The following CCNY variants were observed in gnomAD, a reference collection of about 807,000 sequenced individuals.
CCNY encodes cyclin-Y.
CCNY carries 19 observed loss-of-function variants against 42.8 expected under a neutral mutation model. The ratio of observed to expected loss-of-function variants is 0.44; its 90% CI spans 0.31 to 0.65. The LOEUF is 0.65. CCNY is among the 30% of genes least tolerant of loss of function. CCNY has a pLI of 0.07. For synonymous variants in CCNY, 165 were observed against 162.7 expected, an observed-to-expected ratio of 1.01 and a Z score of -0.11; for missense variants, 370 against 437.3, an observed-to-expected ratio of 0.85 and a Z score of 1.37.
At position 35,358,366 on chromosome 10, in the gene CCNY, C is replaced by T. The variant is rs370692131; in HGVS notation, c.154+21159C>T. 1.6e-3 allele frequency among the ~76,000 whole-genome samples: 246 copies of T among 152,242 alleles called. 5 individuals carry two copies. The South Asian group carries it at 0.041, about 26-fold the overall frequency. On this transcript the variant is annotated intron_variant, in intron 1 of 9. Transcript: ENST00000374704. ...GAATACTGCCAGTGCATAAAGCATT[C>T]TACCTGGAGCTGGAGAGAATCACAC... is the stretch of plus-strand genomic sequence containing the variant.
intron 3 of CCNY, among the ~76,000 whole-genome samples, chr10:35,285,699 C>T (rs920237198): frequency 3.3e-5 from 5 of 152,124 alleles, no homozygotes; most frequent in Admixed American, 6.5e-5. Context: ...CCTAAAGTGG[C>T]GGGATTAGGG....
intron 3 of CCNY, among the ~76,000 whole-genome samples, chr10:35,505,969 T>A (rs1840206237): frequency 6.6e-6 from 1 of 152,170 alleles, no homozygotes; most frequent in Admixed American, 6.5e-5. Flanking sequence ...GGAATAGGAG[T>A]CCTTGTAAAA....
At chr10:35,496,548 G>C (rs546054093) in intron 2 of CCNY, among the ~76,000 whole-genome samples, 1 of 152,142 alleles carries the variant, frequency 6.6e-6, no homozygotes, top group Non-Finnish European at 1.5e-5. Flanking sequence ...TGGAAGAGGA[G>C]AGTCAGGTGC....
chr10:35,435,113 A>T (rs1438561626), intron 1 of CCNY, among the ~76,000 whole-genome samples: 1 of 152,186 alleles, frequency 6.6e-6, no homozygotes, highest in Non-Finnish European at 1.5e-5. Context: ...GGATTTCATG[A>T]GTCTGAGAGA....
intron 2 of CCNY, among the ~76,000 whole-genome samples, chr10:35,492,124 C>T (rs969738828): frequency 3.3e-5 from 5 of 152,318 alleles, no homozygotes; most frequent in South Asian, 2.1e-4. Context: ...CTCTCTCAAA[C>T]CTTTCTTCCA....
upstream of CCNY, among the ~76,000 whole-genome samples, chr10:35,332,907 C>G (rs1366787986): frequency 6.6e-6 from 1 of 152,166 alleles, no homozygotes; most frequent in African/African-American, 2.4e-5. Context: ...CCCGGCCCAC[C>G]TGAGTTTTAT....
chr10:35,494,682 T>C (rs1839972403), intron 2 of CCNY, among the ~76,000 whole-genome samples: 2 of 152,220 alleles, frequency 1.3e-5, no homozygotes, highest in South Asian at 4.1e-4. Flanking sequence ...CTTTATGTAT[T>C]AAAGAATTAT....
At chr10:35,381,067 A>G (rs1471397539) in intron 1 of CCNY, among the ~76,000 whole-genome samples, 2 of 152,274 alleles carry the variant, frequency 1.3e-5, no homozygotes, top group East Asian at 3.9e-4. Context: ...TCTGTGGAGG[A>G]TTTAATAACA....
chr10:35,248,662 G>T (rs1429347659), intron 2 of CCNY, among the ~76,000 whole-genome samples: 2 of 151,238 alleles, frequency 1.3e-5, no homozygotes, highest in East Asian at 2.0e-4. Context: ...AAAAAAGAAA[G>T]AAAGAAAAGA....
rs558979445 is a variant in CCNY, at chr10:35,425,823, A to G, written c.155-57581A>G. On this transcript the variant is annotated intron_variant, in intron 1 of 9. Transcript: ENST00000374704. The stretch of plus-strand genomic sequence containing the variant: ...TTTAGTTAGATGTATTGCTTTTGCA[A>G]TCAGAAAAACTACAAACTAAACAAC... Among the ~76,000 whole-genome samples the G allele has an allele frequency of 2.6e-5, 4 of 152,296 alleles. No individual in the cohort carries two copies. The South Asian group carries it at 8.3e-4, about 32-fold the overall frequency.
In CCNY at chr10:35,570,245, G is replaced by A. The variant is rs762734772; in HGVS notation, c.*1075G>A. ...TAAAAGAAAAAGAAAAAAAACAAGG[G>A]TGGGTTGGGTATTCCAGTGGGAAGA... On this transcript the variant is annotated 3_prime_UTR_variant, in exon 10 of 10. Coordinates refer to ENST00000374704, the MANE Select transcript of CCNY (RefSeq NM_145012.6). 2 of 152,354 alleles carry A rather than the reference G, an allele frequency of 1.3e-5. No homozygotes were observed. The highest frequency in any genetic ancestry group is 2.9e-5 in the Non-Finnish European group (2 of 68,012). 9.4% of individuals were successfully genotyped at this position (152,354 alleles called of 1,614,324 possible).
intron 3 of CCNY, among the ~76,000 whole-genome samples, chr10:35,259,683 T>TG (rs1589003566): frequency 1.4e-5 from 2 of 146,242 alleles, no homozygotes; most frequent in East Asian, 4.0e-4. Context: ...TTTTTTTTTT[T>TG]TTTTTTTTTT....
chr10:35,460,670 T>A (rs2431057), intron 1 of CCNY, among the ~76,000 whole-genome samples: 10,861 of 152,262 alleles, frequency 0.071, 640 homozygotes, highest in African/African-American at 0.16. Context: ...GAAATGTTCG[T>A]GGAACATATT....
chr10:35,466,069 G>A (rs1409603217), intron 1 of CCNY, among the ~76,000 whole-genome samples: 2 of 151,908 alleles, frequency 1.3e-5, no homozygotes, highest in East Asian at 3.9e-4. Flanking sequence ...TTCCTTAGTG[G>A]CATATAGAAG....
At chr10:35,272,471 C>A (rs764189935) in intron 3 of CCNY, among the ~76,000 whole-genome samples, 1 of 152,156 alleles carries the variant, frequency 6.6e-6, no homozygotes, top group Non-Finnish European at 1.5e-5. Flanking sequence ...CCCTTTGTGT[C>A]CATGTGTTCT....
chr10:35,427,718 A>G (rs1433039388), intron 1 of CCNY, among the ~76,000 whole-genome samples: 1 of 152,276 alleles, frequency 6.6e-6, no homozygotes, highest in Non-Finnish European at 1.5e-5. Context: ...AGTTGAAACC[A>G]GCTTCAGAGA....
intron 2 of CCNY, among the ~76,000 whole-genome samples, chr10:35,495,631 G>A (rs1402722139): frequency 1.3e-5 from 2 of 152,212 alleles, no homozygotes; most frequent in Non-Finnish European, 1.5e-5. Flanking sequence ...AATAAGAGCA[G>A]GTCCTGGACA....
chr10:35,489,900 A>C (rs1003820759), intron 2 of CCNY, among the ~76,000 whole-genome samples: 1 of 152,142 alleles, frequency 6.6e-6, no homozygotes, highest in South Asian at 2.1e-4. Context: ...TATATCTACT[A>C]CTCTTTACAT....
At chr10:35,524,245 T>A (rs995794124) in intron 4 of CCNY, among the ~76,000 whole-genome samples, 1 of 152,266 alleles carries the variant, frequency 6.6e-6, no homozygotes, top group Non-Finnish European at 1.5e-5. Context: ...AAAACCTTAC[T>A]ATTTTTTATA....
Sources: gnomAD v4.1 joint callset for allele counts (sites outside exome capture counted in the v4.1 genomes callset) on GRCh38, gnomAD v4.1.1 for gene constraint, MANE v1.5 for transcripts, NCBI Gene and HGNC (gene_info 2026-07-23, HGNC 2026-07-21) for gene names.